The following RANBP3L variants were observed in gnomAD, a reference collection of about 807,000 sequenced individuals.
The protein encoded by RANBP3L is RAN binding protein 3 like, also known as ran-binding protein 3-like.
In RANBP3L, 56 loss-of-function variants were observed where a neutral mutation model predicts 67.2. The observed-to-expected ratio is 0.83, with a 90% CI of 0.67 to 1.04. RANBP3L has a LOEUF of 1.04. Among genes scored for constraint, RANBP3L ranks in the 50% least tolerant of loss-of-function variants. The pLI is 0.00. For missense variants in RANBP3L, 496 were observed against 535.5 expected, an observed-to-expected ratio of 0.93 and a Z score of 0.73; for synonymous variants, 164 against 181.4, an observed-to-expected ratio of 0.90 and a Z score of 0.77.
intron 10 of RANBP3L, chr5:36,256,701 G>A: frequency 2.4e-6 from 1 of 423,170 alleles, no homozygotes; most frequent in Non-Finnish European, 4.1e-6. Flanking sequence ...TTATTTCTAA[G>A]GGACTAATGT....
At chr5:36,249,904 G>A (rs973474153) in intron 13 of RANBP3L, among the ~76,000 whole-genome samples, 4 of 151,794 alleles carry the variant, frequency 2.6e-5, no homozygotes, top group Non-Finnish European at 5.9e-5. Flanking sequence ...AAGCAACAAA[G>A]TGCAAAAAAT....
At position 36,257,453 on chromosome 5, in the gene RANBP3L, C is replaced by T. The variant is rs1262402263; in HGVS notation, c.772+1G>A. Reference sequence around the variant, plus strand: ...TGTTTTACAAATGAAAGAATTCTTACTTGAACTTAAAAAGTTGACAGGAAA... The same window carrying T: ...TGTTTTACAAATGAAAGAATTCTTATTTGAACTTAAAAAGTTGACAGGAAA... On this transcript the variant is annotated splice_donor_variant, in intron 9 of 13. Transcript: ENST00000296604. LOFTEE classifies it high-confidence loss of function. The T allele has an allele frequency of 4.8e-6, 7 of 1,455,890 alleles. No individual in the cohort carries two copies. The highest frequency in any genetic ancestry group is 6.7e-6 in the Non-Finnish European group (7 of 1,045,334). 90.2% of individuals were successfully genotyped at this position (1,455,890 alleles called of 1,614,324 possible).
intron 1 of RANBP3L, among the ~76,000 whole-genome samples, chr5:36,291,655 T>C (rs1285642245): frequency 6.6e-6 from 1 of 151,334 alleles, no homozygotes; most frequent in South Asian, 2.1e-4. Context: ...TGGTGTTTGG[T>C]TTTTTGTTCT....
chr5:36,256,167 T>C (rs1263250166), intron 10 of RANBP3L, among the ~76,000 whole-genome samples: 1 of 152,114 alleles, frequency 6.6e-6, no homozygotes, highest in African/African-American at 2.4e-5. Flanking sequence ...ATTACTACTG[T>C]GTACAAGAAT....
At chr5:36,278,217 C>T (rs532849176) in intron 1 of RANBP3L, among the ~76,000 whole-genome samples, 11 of 152,152 alleles carry the variant, frequency 7.2e-5, no homozygotes, top group African/African-American at 2.6e-4. Context: ...TTATGCTTAC[C>T]CCTAGCTTGC....
rs528165138 is a variant in RANBP3L at position 36,263,399 on chromosome 5, G to T, written c.481-1357C>A. 4.6e-5 allele frequency among the ~76,000 whole-genome samples: 7 copies of T among 152,144 alleles called. No homozygotes were observed. In the East Asian group the frequency reaches 1.2e-3, roughly 25 times the overall value. ...TATTTACAAAAATTCTGCCAAGAAA[G>T]AAATATTGATGTATTTTTGATGTCA... On this transcript the variant is annotated intron_variant, in intron 6 of 13. Coordinates refer to ENST00000296604, the MANE Select transcript of RANBP3L (RefSeq NM_145000.5).
At position 36,253,668 on chromosome 5, in the gene RANBP3L, G is replaced by A. The variant is rs768205691; in HGVS notation, c.1146C>T (p.Ser382=). The A allele has an allele frequency of 6.2e-7, 1 of 1,606,528 alleles. No homozygotes were observed. The highest frequency in any genetic ancestry group is 8.5e-7 in the Non-Finnish European group (1 of 1,173,512). ...TTACCTGAATTAAAAATATTTTGATGCTATAGTCTTCTAAATCAGTAGCTG... is the reference window on the plus strand; with the variant it reads ...TTACCTGAATTAAAAATATTTTGATACTATAGTCTTCTAAATCAGTAGCTG... ...RITATDLEDY[S]IKIFLIQASA... Residue 382 remains serine (S), a synonymous_variant, in exon 12 of 14, where the codon AGC becomes AGT. Transcript: ENST00000296604.
chr5:36,265,666 T>C (rs952776602), intron 4 of RANBP3L, 146 bp from the exon 5 acceptor site: 3 of 469,592 alleles, frequency 6.4e-6, no homozygotes, highest in Admixed American at 4.1e-5. Flanking sequence ...TCTGGAGCAC[T>C]GGCTCTGCGA....
chr5:36,269,490 G>C lies in RANBP3L; in HGVS notation c.191-23C>G, dbSNP rs758624209. 4 of 1,321,228 alleles carry C rather than the reference G, an allele frequency of 3.0e-6. 1 individual carries two copies. The highest frequency in any genetic ancestry group is 2.4e-5 in the South Asian group (2 of 83,994). The allele number at this position is 1,321,228 out of a possible 1,614,324, so 81.8% of individuals were successfully genotyped here. ...ATTCTGCAAGAAAAGCAATGGAAAG[G>C]CTAAAATTACTTGTGATAATAAATT... On this transcript the variant is annotated intron_variant, in intron 3 of 13. Transcript: ENST00000296604.
At chr5:36,297,225 T>C (rs898521611) in intron 1 of RANBP3L, among the ~76,000 whole-genome samples, 1 of 152,098 alleles carries the variant, frequency 6.6e-6, no homozygotes, top group East Asian at 1.9e-4. Context: ...AAAACCATAA[T>C]GAAGAGAAAT....
intron 3 of RANBP3L, 99 bp from the exon 4 acceptor site, chr5:36,269,566 C>A: frequency 1.3e-6 from 1 of 746,872 alleles, no homozygotes. Context: ...TTTGTCTACA[C>A]AGACCATCAT....
At chr5:36,257,637 C>T (rs1297766566) in intron 8 of RANBP3L, 81 bp from the exon 9 acceptor site, 4 of 583,504 alleles carry the variant, frequency 6.9e-6, no homozygotes, top group Admixed American at 3.1e-5. Flanking sequence ...AAGACACTTC[C>T]GTTTTTCTGT....
intron 11 of RANBP3L, among the ~76,000 whole-genome samples, chr5:36,254,246 A>G (rs1748806186): frequency 1.3e-5 from 2 of 152,086 alleles, no homozygotes; most frequent in Non-Finnish European, 2.9e-5. Context: ...TAAAAGAAAA[A>G]ATTAGGCTAC....
intron 4 of RANBP3L, chr5:36,268,113 TAAAA>T: frequency 1.1e-6 from 1 of 934,184 alleles, no homozygotes; most frequent in Non-Finnish European, 1.5e-6. Flanking sequence ...TTATGATCGC[TAAAA>T]AAGAAAAGTC....
intron 3 of RANBP3L, 133 bp from the exon 4 acceptor site, chr5:36,269,600 G>A: frequency 3.0e-6 from 2 of 657,770 alleles, no homozygotes; most frequent in Non-Finnish European, 5.5e-6. Context: ...TTAAATATTG[G>A]GGTTAATAGT....
chr5:36,266,306 G>A (rs1362439266), intron 4 of RANBP3L, among the ~76,000 whole-genome samples: 1 of 152,112 alleles, frequency 6.6e-6, no homozygotes, highest in African/African-American at 2.4e-5. Flanking sequence ...CATGTTGGTG[G>A]GGTAAGACTG....
In RANBP3L at chr5:36,294,473, A is replaced by T. The variant is rs146467010; in HGVS notation, c.91+6853T>A. 3.8e-4 allele frequency among the ~76,000 whole-genome samples: 57 copies of T among 151,828 alleles called. No individual in the cohort carries two copies. In the East Asian group the frequency reaches 0.011, roughly 29 times the overall value. ...TGAATGTGTTTGCTCTTGCTTTTCT[A>T]GTTCTTTTAATTATGATGTTAGGGT... On this transcript the variant is annotated intron_variant, in intron 1 of 13. Coordinates refer to ENST00000296604, the MANE Select transcript of RANBP3L (RefSeq NM_145000.5).
Position 36,249,635 on chromosome 5 carries a change from T to C in RANBP3L, c.*19A>G. 7.0e-7 allele frequency: 1 copy of C among 1,430,248 alleles called. No individual in the cohort carries two copies. Among genetic ancestry groups the C allele is most frequent in the Non-Finnish European group, 9.6e-7 (1 of 1,041,326 alleles). The allele number at this position is 1,430,248 out of a possible 1,614,324, so 88.6% of individuals were successfully genotyped here. A position where few individuals can be genotyped will look rare whatever the true frequency, so the allele number is the denominator to read the frequency against. ...GTGACCCCTCTTTTTGTAGATGTCA[T>C]GTTTATAGTAGGTAGTATTCATGAA... is the stretch of plus-strand genomic sequence containing the variant. On this transcript the variant is annotated 3_prime_UTR_variant, in exon 14 of 14. Transcript: ENST00000296604.
intron 13 of RANBP3L, among the ~76,000 whole-genome samples, chr5:36,250,924 C>T (rs10473004): frequency 0.023 from 3,546 of 151,984 alleles, 162 homozygotes; most frequent in South Asian, 0.2. Context: ...AGGGAATAAA[C>T]GAATTTTCAG....
Sources: gnomAD v4.1 joint callset for allele counts (sites outside exome capture counted in the v4.1 genomes callset) on GRCh38, gnomAD v4.1.1 for gene constraint, MANE v1.5 for transcripts, NCBI Gene and HGNC (gene_info 2026-07-23, HGNC 2026-07-21) for gene names.